The following ROBO1 variants were observed in gnomAD, a reference collection of about 807,000 sequenced individuals.
ROBO1 encodes roundabout homolog 1.
A neutral mutation model predicts 195.9 loss-of-function variants in ROBO1; 149 were observed. The ratio of observed to expected loss-of-function variants is 0.76; its 90% confidence interval spans 0.67 to 0.87. The LOEUF is 0.87. ROBO1 is among the 40% of genes least tolerant of loss of function. ROBO1 has a pLI of 0.00. For missense variants in ROBO1, 1,933 were observed against 2,068.3 expected, an observed-to-expected ratio of 0.93 and a Z score of 1.27; for synonymous variants, 816 against 733.2, an observed-to-expected ratio of 1.11 and a Z score of -1.82.
At chr3:78,762,954 G>A (rs950781295) in intron 4 of ROBO1, among the ~76,000 whole-genome samples, 3 of 152,148 alleles carry the variant, frequency 2.0e-5, no homozygotes, top group Admixed American at 6.5e-5. Context: ...GTTGAAAAAG[G>A]TAATTAAGTA....
intron 3 of ROBO1, among the ~76,000 whole-genome samples, chr3:79,079,498 T>C (rs567010898): frequency 6.6e-6 from 1 of 151,920 alleles, no homozygotes; most frequent in African/African-American, 2.4e-5. Context: ...GAGACTGCTG[T>C]AATGTCAAAA....
At chr3:79,396,308 T>C (rs1388829937) in intron 2 of ROBO1, among the ~76,000 whole-genome samples, 2 of 152,028 alleles carry the variant, frequency 1.3e-5, no homozygotes, top group Non-Finnish European at 2.9e-5. Flanking sequence ...TAACTAATAT[T>C]TTTTCATCTT....
intron 2 of ROBO1, among the ~76,000 whole-genome samples, chr3:79,179,408 T>C (rs2081305397): frequency 6.6e-6 from 1 of 152,360 alleles, no homozygotes; most frequent in South Asian, 2.1e-4. Flanking sequence ...TTAACTGTGA[T>C]TTAGAACTTA....
At chr3:78,730,236 T>C (rs899728786) in intron 5 of ROBO1, among the ~76,000 whole-genome samples, 1 of 152,222 alleles carries the variant, frequency 6.6e-6, no homozygotes, top group Non-Finnish European at 1.5e-5. Context: ...CTTAGCTCTA[T>C]AGTTTGGTCC....
intron 1 of ROBO1, among the ~76,000 whole-genome samples, chr3:79,639,398 A>G (rs55784817): frequency 0.016 from 2,422 of 152,272 alleles, 58 homozygotes; most frequent in African/African-American, 0.056. Flanking sequence ...AAATATTCAT[A>G]GTAATAATTA....
chr3:79,096,850 T>TA (rs140134442), intron 3 of ROBO1, among the ~76,000 whole-genome samples: 4,233 of 151,342 alleles, frequency 0.028, 201 homozygotes, highest in African/African-American at 0.096. Flanking sequence ...CAAAAGAGAC[T>TA]AAAAAAACCA....
chr3:78,720,400 T>C (rs1433091096), intron 5 of ROBO1, among the ~76,000 whole-genome samples: 2 of 152,136 alleles, frequency 1.3e-5, no homozygotes, highest in Admixed American at 6.6e-5. Flanking sequence ...TGAGATACCA[T>C]CTCACACCAG....
intron 2 of ROBO1, among the ~76,000 whole-genome samples, chr3:79,381,936 C>G (rs2036589232): frequency 6.6e-6 from 1 of 151,976 alleles, no homozygotes; most frequent in Admixed American, 6.6e-5. Flanking sequence ...ATCCCTACAA[C>G]CGTATTTTCT....
chr3:79,587,588 A>G (rs1232228147), intron 2 of ROBO1, among the ~76,000 whole-genome samples: 2 of 151,694 alleles, frequency 1.3e-5, no homozygotes, highest in Admixed American at 6.6e-5. Context: ...TTCTTAAGAG[A>G]AAGAGTGGAA....
At chr3:79,306,479 G>C (rs569147051) in intron 2 of ROBO1, among the ~76,000 whole-genome samples, 1 of 152,212 alleles carries the variant, frequency 6.6e-6, no homozygotes, top group Admixed American at 6.5e-5. Context: ...ATTTGTGATC[G>C]GCCCTAACTG....
At chr3:79,292,348 C>T (rs376118652) in intron 2 of ROBO1, among the ~76,000 whole-genome samples, 4 of 152,268 alleles carry the variant, frequency 2.6e-5, no homozygotes, top group South Asian at 4.1e-4. Flanking sequence ...TTCTTCTCTT[C>T]CTATTTGAAT....
intron 2 of ROBO1, among the ~76,000 whole-genome samples, chr3:79,325,225 G>A (rs767127122): frequency 2.0e-5 from 3 of 151,882 alleles, no homozygotes; most frequent in Non-Finnish European, 4.4e-5. Flanking sequence ...ACTTTCTCCC[G>A]GCCAACAGGT....
In ROBO1 at chr3:78,668,556, T is replaced by C. The variant is rs762218952; in HGVS notation, c.1558A>G (p.Thr520Ala). ...GATGCAATGCAGGTGTACCGACCAG[T>C]ATCACCCAGCTGAGAAGGCAGACAA... Reference protein sequence around the residue: ...LQIRYAKLGDTGRYTCIASTP... With the variant: ...LQIRYAKLGDAGRYTCIASTP... Residue 520 changes from threonine to alanine, a missense_variant, in exon 12 of 31, where the codon ACT (threonine) becomes GCT (alanine). Physicochemically the swap from Thr to Ala is moderately conservative, Grantham distance 58. Transcript: ENST00000464233. The C allele has an allele frequency of 6.2e-7, 1 of 1,613,560 alleles. No individual in the cohort carries two copies. The highest frequency in any genetic ancestry group is 8.5e-7 in the Non-Finnish European group (1 of 1,179,650).
chr3:78,757,781 G>C (rs1028947775), intron 4 of ROBO1, among the ~76,000 whole-genome samples: 1 of 152,166 alleles, frequency 6.6e-6, no homozygotes, highest in Non-Finnish European at 1.5e-5. Flanking sequence ...AAAAAACCAA[G>C]TCTAAATAGC....
chr3:79,192,706 G>A (rs1298270331), intron 2 of ROBO1, among the ~76,000 whole-genome samples: 2 of 151,530 alleles, frequency 1.3e-5, no homozygotes, highest in African/African-American at 2.4e-5. Context: ...ATGACAAGAC[G>A]AGGTAGAAGT....
intron 2 of ROBO1, among the ~76,000 whole-genome samples, chr3:79,568,970 A>G (rs1395517106): frequency 6.6e-6 from 1 of 152,212 alleles, no homozygotes; most frequent in African/African-American, 2.4e-5. Flanking sequence ...CGACAGTATA[A>G]TACACTAAGA....
intron 2 of ROBO1, among the ~76,000 whole-genome samples, chr3:79,452,242 C>T (rs1018339194): frequency 1.3e-5 from 2 of 152,048 alleles, no homozygotes; most frequent in East Asian, 3.9e-4. Context: ...TCCCACTGCT[C>T]TTAAATAAAT....
chr3:78,876,393 T>A (rs2035849152), intron 4 of ROBO1, among the ~76,000 whole-genome samples: 1 of 152,162 alleles, frequency 6.6e-6, no homozygotes, highest in Non-Finnish European at 1.5e-5. Context: ...TTAACTTGAT[T>A]ATGTGTTGTG....
chr3:78,831,812 C>A (rs895997327), intron 4 of ROBO1, among the ~76,000 whole-genome samples: 3 of 152,144 alleles, frequency 2.0e-5, no homozygotes, highest in African/African-American at 7.2e-5. Context: ...TGGTGACAGG[C>A]AAGAGAGGGT....
Sources: gnomAD v4.1 joint callset for allele counts (sites outside exome capture counted in the v4.1 genomes callset) on GRCh38, gnomAD v4.1.1 for gene constraint, MANE v1.5 for transcripts, NCBI Gene and HGNC (gene_info 2026-07-23, HGNC 2026-07-21) for gene names.